The following DHX34 variants were observed in gnomAD, a reference collection of about 807,000 sequenced individuals.
DHX34 encodes DExH-box helicase 34.
A neutral mutation model predicts 111.1 loss-of-function variants in DHX34; 96 were observed. The ratio of observed to expected loss-of-function variants is 0.86; its 90% CI spans 0.73 to 1.02. The LOEUF (loss-of-function observed/expected upper bound fraction) is 1.02. DHX34 is among the 50% of genes least tolerant of loss of function. The probability of loss-of-function intolerance (pLI) is 0.00; values close to 1 mark genes in which losing one functional copy is unlikely to be tolerated. For missense variants in DHX34, 1,560 were observed against 1,579.9 expected (o/e 0.99, Z 0.21); for synonymous variants, 688 against 670.4 (o/e 1.03, Z -0.41).
Position 47,349,360 on chromosome 19 carries a change from A to AG in DHX34, c.-278+14dup. 1 of 147,480 alleles carries AG rather than the reference A, an allele frequency of 6.8e-6. No homozygotes were observed. The allele number at this position is 147,480 out of a possible 1,614,324, so 9.1% of individuals were successfully genotyped here. ...AGGCGTTCGCGGCGTGTGGTAAGTG[A>AG]GGGGGGCGGGACGGGTGTACCGGGT... On this transcript the variant is annotated intron_variant, in intron 1 of 16. Transcript: ENST00000328771.
intron 4 of DHX34, 44 bp downstream of exon 4, chr19:47,358,164 A>G: frequency 6.3e-7 from 1 of 1,582,198 alleles, no homozygotes; most frequent in South Asian, 1.1e-5. Flanking sequence ...GGTCTGCATG[A>G]GTCAGGGGTG....
chr19:47,357,767 T>A, intron 3 of DHX34, 99 bp from the exon 4 acceptor site: 1 of 1,484,380 alleles, frequency 6.7e-7, no homozygotes, highest in South Asian at 1.3e-5. Context: ...GTCTTCTCCG[T>A]TAGCCTGTGG....
Position 47,353,356 on chromosome 19 carries a change from CTG to C in DHX34, c.328_329del (p.Val110SerfsTer22). Reference sequence around the variant, plus strand: ...GACCCACGTTACCGCATCAACCTCTCTGTTCTTGGCCCTGCCACGCGGGGCTC... The same window carrying C: ...GACCCACGTTACCGCATCAACCTCTCTTCTTGGCCCTGCCACGCGGGGCTC... On this transcript the variant is annotated frameshift_variant, in exon 2 of 17. Transcript: ENST00000328771. LOFTEE classifies it high-confidence loss of function. This position sits in a 1 kb window ranked among gnomAD's most constrained non-coding sequence, Gnocchi z 4.6. 1 of 1,614,212 alleles carries C rather than the reference CTG, an allele frequency of 6.2e-7. No homozygotes were observed. Among genetic ancestry groups the C allele is most frequent in the Non-Finnish European group, 8.5e-7 (1 of 1,180,048 alleles).
At chr19:47,352,545 T>C (rs1270109540) in intron 1 of DHX34, among the ~76,000 whole-genome samples, 1 of 152,028 alleles carries the variant, frequency 6.6e-6, no homozygotes, top group Non-Finnish European at 1.5e-5. Flanking sequence ...TGTGGTGGCA[T>C]GTGCCTGTAG....
intron 8 of DHX34, among the ~76,000 whole-genome samples, chr19:47,373,240 C>T (rs1314262639): frequency 6.6e-6 from 1 of 152,008 alleles, no homozygotes; most frequent in Non-Finnish European, 1.5e-5. Context: ...AGTCCTCACC[C>T]TAACCCTGGC....
chr19:47,363,200 C>T (rs969419634), intron 6 of DHX34, among the ~76,000 whole-genome samples: 1 of 152,022 alleles, frequency 6.6e-6, no homozygotes, highest in Admixed American at 6.6e-5. Flanking sequence ...GTAATCCACC[C>T]TCCTCGGCCT....
chr19:47,371,844 C>T (rs1004173884), intron 7 of DHX34, among the ~76,000 whole-genome samples: 2 of 151,914 alleles, frequency 1.3e-5, no homozygotes, highest in Non-Finnish European at 2.9e-5. Context: ...AGGTGATCTG[C>T]TTGAGTCCAG....
At chr19:47,380,728 G>A in intron 14 of DHX34, 88 bp from the exon 15 acceptor site, 1 of 1,571,598 alleles carries the variant, frequency 6.4e-7, no homozygotes, top group Non-Finnish European at 8.6e-7. Flanking sequence ...AAAGCCCGAG[G>A]GAGGGCTTCA....
At chr19:47,378,410 T>A (rs964799414) in intron 13 of DHX34, among the ~76,000 whole-genome samples, 2 of 152,150 alleles carry the variant, frequency 1.3e-5, no homozygotes, top group African/African-American at 4.8e-5. Flanking sequence ...AAAAGGGTGA[T>A]GCCAGGTGCT....
Position 47,353,561 on chromosome 19 carries a change from G to A in DHX34, c.531G>A (p.Glu177=). The A allele has an allele frequency of 1.2e-6, 2 of 1,613,332 alleles. No homozygotes were observed. Among genetic ancestry groups the A allele is most frequent in the South Asian group, 2.2e-5 (2 of 91,086 alleles). ...ACCGCATCCTGCAGACGCTGAAGGA[G>A]CACCAGGTGGTGGTAGTGGCCGGTG... ...YGNRILQTLK[E]HQVVVVAGDT... The change falls in exon 2 of 17, where the codon GAG becomes GAA. Residue 177 remains glutamate (E), a synonymous_variant. Transcript: ENST00000328771. The surrounding 1 kb of genome is among the most constrained non-coding windows in gnomAD (Gnocchi z 4.6).
intron 16 of DHX34, 76 bp from the exon 17 acceptor site, chr19:47,381,904 G>C: frequency 6.3e-7 from 1 of 1,599,962 alleles, no homozygotes; most frequent in East Asian, 2.2e-5. Context: ...AGCCCCACAG[G>C]TGCCTGGCAT....
intron 7 of DHX34, among the ~76,000 whole-genome samples, chr19:47,372,195 C>CCTCT (rs111756320): frequency 1.8e-3 from 279 of 152,048 alleles, no homozygotes; most frequent in African/African-American, 6.5e-3. Context: ...GTCCCCTCTT[C>CCTCT]CTCTTCCACT....
At position 47,353,386 on chromosome 19, in the gene DHX34, A is replaced by C; in HGVS notation, c.356A>C (p.Gln119Pro). 1 of 1,614,154 alleles carries C rather than the reference A, an allele frequency of 6.2e-7. No individual in the cohort carries two copies. Among genetic ancestry groups the C allele is most frequent in the East Asian group, 2.2e-5 (1 of 44,878 alleles). Residue 119 changes from glutamine (Q) to proline (P), a missense_variant, in exon 2 of 17, where the codon CAG becomes CCG. Coordinates refer to ENST00000328771, the MANE Select transcript of DHX34 (RefSeq NM_014681.6). The surrounding 1 kb of genome is among the most constrained non-coding windows in gnomAD (Gnocchi z 4.6). ...SVLGPATRGSQGLGRHLPAER... is the reference protein window; with the variant it reads ...SVLGPATRGSPGLGRHLPAER... ...CTTGGCCCTGCCACGCGGGGCTCTC[A>C]GGGACTGGGCAGGCACTTGCCCGCG...
intron 1 of DHX34, among the ~76,000 whole-genome samples, chr19:47,351,823 C>G (rs988121912): frequency 7.2e-5 from 11 of 152,086 alleles, no homozygotes; most frequent in African/African-American, 2.7e-4. Context: ...TACTTGCCTA[C>G]CCAATAGGGG....
Position 47,352,947 on chromosome 19 carries a change from C to G in DHX34, c.-84C>G. 6.7e-7 allele frequency: 1 copy of G among 1,496,196 alleles called. No individual in the cohort carries two copies. Among genetic ancestry groups the G allele is most frequent in the East Asian group, 2.4e-5 (1 of 42,210 alleles). The allele number at this position is 1,496,196 out of a possible 1,614,324, so 92.7% of individuals were successfully genotyped here. A position where few individuals can be genotyped will look rare whatever the true frequency, so the allele number is the denominator to read the frequency against. ...GTAGTTCTCTATTGCAGGCACTGGC[C>G]TCTTAAATTGTTGCAGGTGGGGAAT... On this transcript the variant is annotated 5_prime_UTR_variant, in exon 2 of 17. Coordinates refer to ENST00000328771, the MANE Select transcript of DHX34 (RefSeq NM_014681.6).
At chr19:47,352,267 A>G (rs758838705) in intron 1 of DHX34, among the ~76,000 whole-genome samples, 22 of 152,174 alleles carry the variant, frequency 1.4e-4, no homozygotes, top group Non-Finnish European at 2.8e-4. Flanking sequence ...CAGTCTGATG[A>G]CGTGTGTGTC....
chr19:47,377,045 C>T lies in DHX34; in HGVS notation c.2600-55C>T, dbSNP rs1358300493. 6.8e-6 allele frequency: 11 copies of T among 1,611,366 alleles called. No homozygotes were observed. In the African/African-American group the frequency reaches 1.3e-4, roughly 20 times the overall value. ...TTGACCGGGTGGGACAGGCGGGCTT[C>T]TGATGGGCCTGGGTGGGCCAGGGTG... On this transcript the variant is annotated intron_variant, in intron 12 of 16. Transcript: ENST00000328771.
intron 5 of DHX34, among the ~76,000 whole-genome samples, chr19:47,361,212 CT>C (rs1193497076): frequency 6.6e-6 from 1 of 151,940 alleles, no homozygotes; most frequent in East Asian, 2.0e-4. Context: ...AATACCAGCA[CT>C]TTGGGAGGCC....
intron 5 of DHX34, 71 bp from the exon 6 acceptor site, chr19:47,362,405 A>G (rs1193325857): frequency 1.2e-5 from 17 of 1,421,836 alleles, no homozygotes; most frequent in Admixed American, 6.3e-5. Context: ...GCGAGTGACA[A>G]GAGCCAGGCG....
Sources: gnomAD v4.1 joint callset for allele counts (sites outside exome capture counted in the v4.1 genomes callset) on GRCh38, gnomAD v4.1.1 for gene constraint, Gnocchi (gnomAD v3.1) non-coding constraint, MANE v1.5 for transcripts, NCBI Gene and HGNC (gene_info 2026-07-23, HGNC 2026-07-21) for gene names.